Variants in TPD52L1 observed in about 807,000 individuals in gnomAD.
TPD52L1 encodes the protein TPD52 like 1.
TPD52L1 carries 18 observed loss-of-function variants against 28.7 expected under a neutral mutation model. The ratio of observed to expected loss-of-function variants is 0.63; its 90% CI spans 0.43 to 0.93. TPD52L1 has a LOEUF of 0.93. Ranked by LOEUF, TPD52L1 falls within the 40% of genes least tolerant of loss-of-function variation. The pLI, the probability that TPD52L1 is intolerant of heterozygous loss-of-function variation, is 0.00. For synonymous variants in TPD52L1, 75 were observed against 88.8 expected, an observed-to-expected ratio of 0.84 and a Z score of 0.88; for missense variants, 203 against 254.8, an observed-to-expected ratio of 0.80 and a Z score of 1.39.
At position 125,203,276 on chromosome 6, in the gene TPD52L1, A is replaced by G. The variant is rs948466076; in HGVS notation, c.20-16802A>G. Among the ~76,000 whole-genome samples, 7 of 152,324 alleles carry G rather than the reference A, an allele frequency of 4.6e-5. 1 individual carries two copies. Among genetic ancestry groups the G allele is most frequent in the Admixed American group, 4.6e-4 (7 of 15,300 alleles). ...AGGAAGTTCCTGGAGCCTATCCATC[A>G]GGAACATTAACTATATTTTTGTTTG... On this transcript the variant is annotated intron_variant, in intron 1 of 6. Coordinates refer to ENST00000534000, the MANE Select transcript of TPD52L1 (RefSeq NM_003287.4).
chr6:125,225,483 G>T (rs1471317225), intron 2 of TPD52L1, among the ~76,000 whole-genome samples: 1 of 152,132 alleles, frequency 6.6e-6, no homozygotes, highest in Non-Finnish European at 1.5e-5. Context: ...ATGTACAAAG[G>T]TTCCAACGCC....
At chr6:125,189,277 A>C (rs997778589) in intron 1 of TPD52L1, among the ~76,000 whole-genome samples, 35 of 152,222 alleles carry the variant, frequency 2.3e-4, no homozygotes, top group African/African-American at 8.2e-4. Flanking sequence ...AATTCTTCAT[A>C]ATCAGTAGAG....
intron 1 of TPD52L1, 144 bp downstream of exon 1, chr6:125,154,114 G>T: frequency 7.0e-7 from 1 of 1,418,744 alleles, no homozygotes; most frequent in South Asian, 1.5e-5. Flanking sequence ...CGCGCCTTTG[G>T]TATAATGCCT....
At chr6:125,245,561 G>T (rs1437870413) in intron 3 of TPD52L1, among the ~76,000 whole-genome samples, 1 of 152,190 alleles carries the variant, frequency 6.6e-6, no homozygotes, top group Non-Finnish European at 1.5e-5. Context: ...GGGCGGGTCA[G>T]ACTCTCCTTG....
At chr6:125,165,428 A>T (rs2114756026) in intron 1 of TPD52L1, among the ~76,000 whole-genome samples, 1 of 152,308 alleles carries the variant, frequency 6.6e-6, no homozygotes, top group East Asian at 1.9e-4. Context: ...TGAATCGTTT[A>T]TAAGTGATGC....
At chr6:125,257,869 TA>T (rs146157695) in intron 6 of TPD52L1, among the ~76,000 whole-genome samples, 9,324 of 152,282 alleles carry the variant, frequency 0.061, 956 homozygotes, top group African/African-American at 0.21. Context: ...CTACTAAGAT[TA>T]TTTTTAAAGG....
intron 6 of TPD52L1, among the ~76,000 whole-genome samples, chr6:125,259,584 G>A (rs890434079): frequency 3.3e-5 from 5 of 152,146 alleles, no homozygotes; most frequent in African/African-American, 1.2e-4. Flanking sequence ...GGTATCTTCT[G>A]CCATCTCCCA....
rs745334018 is a variant in TPD52L1, at chr6:125,253,708, G to A, written c.387-9G>A. 8 of 1,612,624 alleles carry A rather than the reference G, an allele frequency of 5.0e-6. No homozygotes were observed. The highest frequency in any genetic ancestry group is 3.3e-5 in the Admixed American group (2 of 59,962). On this transcript the variant is annotated splice_polypyrimidine_tract_variant and intron_variant, in intron 4 of 6. Transcript: ENST00000534000. The stretch of plus-strand genomic sequence containing the variant: ...CTTTTTTCCCCTTTAATCTGCTTTT[G>A]CTCTGAAGTTACTCCATTCGCCATT...
intron 3 of TPD52L1, among the ~76,000 whole-genome samples, chr6:125,236,986 G>A (rs146172187): frequency 9.2e-5 from 14 of 152,182 alleles, no homozygotes; most frequent in East Asian, 5.8e-4. Context: ...AACCCTTTTC[G>A]TGCCATATTT....
chr6:125,154,182 C>T, intron 1 of TPD52L1: 1 of 1,364,836 alleles, frequency 7.3e-7, no homozygotes, highest in Non-Finnish European at 9.4e-7. Context: ...ACAGGGGATC[C>T]GTAAGTGGAG....
chr6:125,247,877 A>G (rs557186760), intron 3 of TPD52L1, among the ~76,000 whole-genome samples: 3 of 152,292 alleles, frequency 2.0e-5, no homozygotes, highest in African/African-American at 7.2e-5. Context: ...GTAAGCTTAG[A>G]TGTACCTTCA....
At position 125,238,434 on chromosome 6, in the gene TPD52L1, G is replaced by A. The variant is rs146152072; in HGVS notation, c.284+9168G>A. ...GATAAGTTTTTCGGGGGTGATTTCT[G>A]AAATTTTGATGCACCCATCACCCAA... On this transcript the variant is annotated intron_variant, in intron 3 of 6. Transcript: ENST00000534000. 1.6e-3 allele frequency among the ~76,000 whole-genome samples: 248 copies of A among 152,198 alleles called. 3 individuals are homozygous for A. Among genetic ancestry groups the A allele is most frequent in the African/African-American group, 5.7e-3 (237 of 41,526 alleles).
chr6:125,223,292 G>A (rs1795377420), intron 2 of TPD52L1, among the ~76,000 whole-genome samples: 2 of 152,046 alleles, frequency 1.3e-5, no homozygotes, highest in Non-Finnish European at 2.9e-5. Context: ...CTCTCACACA[G>A]CCAACATATT....
intron 1 of TPD52L1, among the ~76,000 whole-genome samples, chr6:125,171,319 C>T (rs893336247): frequency 6.6e-6 from 1 of 152,160 alleles, no homozygotes; most frequent in African/African-American, 2.4e-5. Flanking sequence ...ATGCTTGTGG[C>T]AGACAGACCC....
chr6:125,245,944 C>G (rs1034997869), intron 3 of TPD52L1, among the ~76,000 whole-genome samples: 3 of 152,220 alleles, frequency 2.0e-5, no homozygotes, highest in East Asian at 1.9e-4. Context: ...ACTCACCCCC[C>G]AGATTCTGCT....
chr6:125,195,497 A>G (rs1562261384), intron 1 of TPD52L1, among the ~76,000 whole-genome samples: 1 of 152,292 alleles, frequency 6.6e-6, no homozygotes, highest in East Asian at 1.9e-4. Flanking sequence ...CATCCATGAG[A>G]GAAAGGTTTT....
chr6:125,231,312 G>C (rs1009690595), intron 3 of TPD52L1: 1 of 152,334 alleles, frequency 6.6e-6, no homozygotes, highest in Non-Finnish European at 1.5e-5. Context: ...TGGCAGGGAG[G>C]TGGGAATGTC....
chr6:125,248,835 G>A (rs918924451), intron 4 of TPD52L1, among the ~76,000 whole-genome samples: 4 of 151,904 alleles, frequency 2.6e-5, no homozygotes, highest in Non-Finnish European at 5.9e-5. Context: ...TTCCATAAAG[G>A]TACCACACAT....
chr6:125,196,471 G>T (rs761469828), intron 1 of TPD52L1, among the ~76,000 whole-genome samples: 1 of 152,188 alleles, frequency 6.6e-6, no homozygotes, highest in Non-Finnish European at 1.5e-5. Flanking sequence ...AATTATTGTC[G>T]TGGCTCCTGT....
Sources: allele counts gnomAD v4.1 joint callset (sites outside exome capture counted in the v4.1 genomes callset), GRCh38; gene constraint gnomAD v4.1.1; transcripts MANE v1.5; gene names NCBI Gene and HGNC (gene_info 2026-07-23, HGNC 2026-07-21).